Variants in STAT5B observed in about 807,000 individuals in gnomAD.
STAT5B encodes signal transducer and activator of transcription 5B, also known as transcription factor STAT5B.
In STAT5B, 21 loss-of-function variants were observed where a neutral mutation model predicts 107.8. The observed-to-expected ratio is 0.19, with a 90% CI of 0.14 to 0.28. STAT5B has a LOEUF of 0.28. STAT5B is among the 10% of genes least tolerant of loss of function. The probability of loss-of-function intolerance (pLI) is 1.00; values close to 1 mark genes in which losing one functional copy is unlikely to be tolerated. For missense variants in STAT5B, 565 were observed against 1,008.2 expected (o/e 0.56, Z 5.95); for synonymous variants, 325 against 401.7 (o/e 0.81, Z 2.28).
chr17:42,256,678 T>C (rs1261943397), intron 1 of STAT5B, among the ~76,000 whole-genome samples: 6 of 151,770 alleles, frequency 4.0e-5, no homozygotes, highest in African/African-American at 1.5e-4. Context: ...GCTAACATGG[T>C]GAAACCCCGT....
At position 42,227,672 on chromosome 17, in the gene STAT5B, G is replaced by C; in HGVS notation, c.142C>G (p.Leu48Val). The C allele has an allele frequency of 6.2e-7, 1 of 1,614,028 alleles. No homozygotes were observed. Among genetic ancestry groups the C allele is most frequent in the Non-Finnish European group, 8.5e-7 (1 of 1,179,996 alleles). ...IESQAWDSVDLDNPQENIKAT... is the reference protein window; with the variant it reads ...IESQAWDSVDVDNPQENIKAT... ...TTAATGTTCTCCTGTGGATTATCAAGATCTACTGAGTCCCTAGGGGAAAAA... is the reference window on the plus strand; with the variant it reads ...TTAATGTTCTCCTGTGGATTATCAACATCTACTGAGTCCCTAGGGGAAAAA... Residue 48 changes from leucine to valine, a missense_variant, in exon 3 of 19, where the codon CTT (leucine) becomes GTT (valine). By Grantham distance (32) the Leu-to-Val change is conservative. Around this residue, in one of 11 missense-constraint regions of STAT5B, gnomAD observed 83 missense variants for 145.1 expected, o/e 0.57. Transcript: ENST00000293328.
intron 1 of STAT5B, among the ~76,000 whole-genome samples, chr17:42,263,879 A>ATG (rs2080641986): frequency 7.0e-6 from 1 of 143,122 alleles, no homozygotes; most frequent in Admixed American, 7.0e-5. Flanking sequence ...GCGCACACAC[A>ATG]CACACACACA....
rs1491180335 is a variant in STAT5B, at chr17:42,227,377, G to GT, written c.285+151dup. ...GTATGAAATTATTCTCAAATAAAAA[G>GT]TAAAAAAAAAAAAAAAGACCAAAAC... On this transcript the variant is annotated intron_variant, in intron 3 of 18. Transcript: ENST00000293328. 9.7e-6 allele frequency: 9 copies of GT among 929,922 alleles called. No homozygotes were observed. The African/African-American group carries it at 1.7e-4, about 17-fold the overall frequency. 57.6% of individuals were successfully genotyped at this position (929,922 alleles called of 1,614,324 possible).
chr17:42,262,942 ATGTGTGTGTGTG>A lies in STAT5B; in HGVS notation c.-11+13294_-11+13305del, dbSNP rs755220447. On this transcript the variant is annotated intron_variant, in intron 1 of 18. Transcript: ENST00000293328. The stretch of plus-strand genomic sequence containing the variant: ...TGTGTGTATATATATATGTATATAT[ATGTGTGTGTGTG>A]TGTGTGTGTGTGTGTGTATATATAT... Among the ~76,000 whole-genome samples the A allele has an allele frequency of 2.9e-3, 132 of 45,424 alleles. 6 individuals carry two copies. The highest frequency in any genetic ancestry group is 0.012 in the African/African-American group (129 of 10,870). 29.8% of individuals were successfully genotyped at this position (45,424 alleles called of 152,430 possible).
Position 42,232,121 on chromosome 17 carries a change from C to G in STAT5B, c.7G>C (p.Val3Leu). 6.2e-7 allele frequency: 1 copy of G among 1,614,064 alleles called. No homozygotes were observed. Among genetic ancestry groups the G allele is most frequent in the South Asian group, 1.1e-5 (1 of 91,078 alleles). The change falls in exon 2 of 19, where the codon GTG (valine) becomes CTG (leucine). Residue 3 changes from valine (V) to leucine (L), a missense_variant. By Grantham distance (32) the Val-to-Leu change is conservative. This residue lies in a region of STAT5B where 83 missense variants were observed against 145.1 expected (regional missense o/e 0.57). Transcript: ENST00000293328. Reference protein sequence around the residue: MAVWIQAQQLQGE... With the variant: MALWIQAQQLQGE... ...TGGAGCTGCTGAGCTTGTATCCACA[C>G]AGCCATGGTTTACAATCTGTTGAAC...
At chr17:42,214,484 C>T in intron 12 of STAT5B, 1 of 985,352 alleles carries the variant, frequency 1.0e-6, no homozygotes, top group African/African-American at 1.7e-5. Context: ...AAACGTTAAG[C>T]CTCTCCACGT....
chr17:42,258,059 T>G (rs2080562131), intron 1 of STAT5B, among the ~76,000 whole-genome samples: 1 of 152,206 alleles, frequency 6.6e-6, no homozygotes, highest in Non-Finnish European at 1.5e-5. Context: ...GGACATATTT[T>G]AAATATTTCA....
At position 42,276,366 on chromosome 17, in the gene STAT5B, C is replaced by A. The variant is rs1399951045; in HGVS notation, c.-129G>T. The A allele has an allele frequency of 6.8e-6, 1 of 147,046 alleles. No homozygotes were observed. Among genetic ancestry groups the A allele is most frequent in the African/African-American group, 2.4e-5 (1 of 40,896 alleles). 9.1% of individuals were successfully genotyped at this position (147,046 alleles called of 1,614,324 possible). On this transcript the variant is annotated 5_prime_UTR_variant, in exon 1 of 19. Coordinates refer to ENST00000293328, the MANE Select transcript of STAT5B (RefSeq NM_012448.4). The surrounding 1 kb of genome is among the most constrained non-coding windows in gnomAD (Gnocchi z 4.8). The stretch of plus-strand genomic sequence containing the variant: ...CGCGGAGTTGCCTGCGCTGGGTCCC[C>A]GCCCGGGGTGACGGCTCCGGCCGCC...
chr17:42,212,261 A>G, intron 12 of STAT5B, 71 bp from the exon 13 acceptor site: 2 of 1,611,916 alleles, frequency 1.2e-6, no homozygotes, highest in East Asian at 4.5e-5. Context: ...CCACAAAAGA[A>G]AAACGCTGAT....
chr17:42,202,271 T>TCC, intron 18 of STAT5B, 69 bp downstream of exon 18: 1 of 1,580,522 alleles, frequency 6.3e-7, no homozygotes, highest in Non-Finnish European at 8.7e-7. Flanking sequence ...ACCCCAGCCC[T>TCC]CCAGGGGTCC....
chr17:42,205,592 C>T (rs2080078538), intron 16 of STAT5B, among the ~76,000 whole-genome samples: 1 of 152,132 alleles, frequency 6.6e-6, no homozygotes, highest in African/African-American at 2.4e-5. Context: ...GGCTAGCTTC[C>T]TCACTTCATT....
chr17:42,287,727 T>A, the STAT5B span: 1 of 152,286 alleles, frequency 6.6e-6, no homozygotes, highest in Non-Finnish European at 1.5e-5. Context: ...ACGTGCCTAC[T>A]GTGTGGCCCT....
chr17:42,219,929 A>C (rs2080210060), intron 5 of STAT5B, 87 bp from the exon 6 acceptor site: 2 of 1,597,104 alleles, frequency 1.3e-6, no homozygotes. Flanking sequence ...TTCTGGAGCG[A>C]GACCCTCCTG....
At chr17:42,246,459 T>C (rs2080452487) in intron 1 of STAT5B, among the ~76,000 whole-genome samples, 1 of 152,170 alleles carries the variant, frequency 6.6e-6, no homozygotes, top group South Asian at 2.1e-4. Flanking sequence ...TTAAATGTGT[T>C]TTCAAATAGT....
chr17:42,252,034 T>C (rs868397206), intron 1 of STAT5B, among the ~76,000 whole-genome samples: 13 of 150,808 alleles, frequency 8.6e-5, no homozygotes, highest in Non-Finnish European at 1.6e-4. Context: ...AAAGAAAATA[T>C]ACAAATAACT....
At position 42,225,278 on chromosome 17, in the gene STAT5B, C is replaced by A. The variant is rs866923456; in HGVS notation, c.286-410G>T. Among the ~76,000 whole-genome samples, 3 of 152,282 alleles carry A rather than the reference C, an allele frequency of 2.0e-5. No homozygotes were observed. The Middle Eastern group carries it at 0.01, about 518-fold the overall frequency. The stretch of plus-strand genomic sequence containing the variant: ...CCATGTTGGCCAGGCTGGTCTCGAA[C>A]TCCTGACCTCAGGTGATCCACCTGC... On this transcript the variant is annotated intron_variant, in intron 3 of 18. Transcript: ENST00000293328.
chr17:42,278,271 G>C (rs1019910213), upstream of STAT5B, among the ~76,000 whole-genome samples: 1 of 152,184 alleles, frequency 6.6e-6, no homozygotes, highest in Admixed American at 6.5e-5. Context: ...CTGTCCCCAA[G>C]GGCAGACGCA....
intron 1 of STAT5B, among the ~76,000 whole-genome samples, chr17:42,262,006 AG>A (rs1219543790): frequency 6.6e-6 from 1 of 152,164 alleles, no homozygotes; most frequent in Non-Finnish European, 1.5e-5. Context: ...GGCCTAAAAT[AG>A]ATTTTTACTT....
At chr17:42,273,462 G>A (rs1359565582) in intron 1 of STAT5B, among the ~76,000 whole-genome samples, 2 of 152,102 alleles carry the variant, frequency 1.3e-5, no homozygotes, top group African/African-American at 2.4e-5. Flanking sequence ...CTTTTTAAAC[G>A]AATAAGTTTC....
Sources: gnomAD v4.1 joint callset for allele counts (sites outside exome capture counted in the v4.1 genomes callset) on GRCh38, gnomAD v4.1.1 for gene constraint, gnomAD v4.1.1 regional missense constraint, Gnocchi (gnomAD v3.1) non-coding constraint, MANE v1.5 for transcripts, NCBI Gene and HGNC (gene_info 2026-07-23, HGNC 2026-07-21) for gene names.